LHX8: variants seen among roughly 807,000 people sequenced by gnomAD.
The protein encoded by LHX8 is LIM homeobox 8, also known as LIM/homeobox protein Lhx8.
In LHX8, 12 loss-of-function variants were observed where a neutral mutation model predicts 40.3. That is an observed-to-expected ratio of 0.30 (90% confidence interval 0.19 to 0.48). The LOEUF is 0.48. Among genes scored for constraint, LHX8 ranks in the 20% least tolerant of loss-of-function variants. LHX8 has a pLI of 0.99. For missense variants in LHX8, 344 were observed against 433.7 expected, an observed-to-expected ratio of 0.79 and a Z score of 1.84; for synonymous variants, 179 against 162.0, an observed-to-expected ratio of 1.10 and a Z score of -0.80.
At chr1:75,190,761 A>G in the LHX8 span, among the ~76,000 whole-genome samples, 1 of 152,214 alleles carries the variant, frequency 6.6e-6, no homozygotes, top group Non-Finnish European at 1.5e-5. Flanking sequence ...TTTTTCTTAG[A>G]GATAAACAAA....
In LHX8 at chr1:75,143,832, T is replaced by A; in HGVS notation, c.581-13T>A. On this transcript the variant is annotated splice_polypyrimidine_tract_variant and intron_variant, in intron 5 of 8. Coordinates refer to ENST00000356261, the MANE Select transcript of LHX8 (RefSeq NM_001256114.2). The stretch of plus-strand genomic sequence containing the variant: ...TGAATTACCAACATATATAGTGTGT[T>A]TTTTAAATGCAGGGAATGGGATTAG... The A allele has an allele frequency of 1.2e-6, 2 of 1,600,536 alleles. No individual in the cohort carries two copies. The highest frequency in any genetic ancestry group is 1.1e-5 in the South Asian group (1 of 90,818).
chr1:75,197,247 T>C, the LHX8 span, among the ~76,000 whole-genome samples: 1 of 152,200 alleles, frequency 6.6e-6, no homozygotes, highest in Non-Finnish European at 1.5e-5. Context: ...CTTTTTTATA[T>C]GAACTGGGAA....
At chr1:75,194,123 T>C in the LHX8 span, among the ~76,000 whole-genome samples, 6 of 152,200 alleles carry the variant, frequency 3.9e-5, no homozygotes, top group African/African-American at 9.7e-5. Flanking sequence ...AAAAACAGTT[T>C]AGACAGCTTC....
the LHX8 span, among the ~76,000 whole-genome samples, chr1:75,191,145 C>T: frequency 6.6e-6 from 1 of 151,910 alleles, no homozygotes; most frequent in African/African-American, 2.4e-5. Flanking sequence ...CCTCTGGACT[C>T]CTTTCCAAAA....
At chr1:75,160,530 C>A in intron 8 of LHX8, 1 of 406,738 alleles carries the variant, frequency 2.5e-6, no homozygotes, top group Admixed American at 3.9e-5. Context: ...AAGAGGAACC[C>A]ATGTCTTTCT....
intron 4 of LHX8, among the ~76,000 whole-genome samples, chr1:75,141,448 AT>A (rs138125271): frequency 2.5e-3 from 387 of 152,198 alleles, no homozygotes; most frequent in African/African-American, 9.0e-3. Context: ...TTTGGTGGGA[AT>A]GGTTAGATGA....
chr1:75,145,086 G>A (rs148961840), intron 6 of LHX8, among the ~76,000 whole-genome samples: 2 of 152,108 alleles, frequency 1.3e-5, no homozygotes, highest in Non-Finnish European at 2.9e-5. Flanking sequence ...CTTAATTTAG[G>A]CATAAATTCG....
At chr1:75,197,902 T>A in the LHX8 span, among the ~76,000 whole-genome samples, 1 of 152,204 alleles carries the variant, frequency 6.6e-6, no homozygotes. Context: ...TGGCCTTAAT[T>A]TTGAAGCCTA....
chr1:75,167,112 G>T, the LHX8 span, among the ~76,000 whole-genome samples: 1 of 152,138 alleles, frequency 6.6e-6, no homozygotes, highest in East Asian at 1.9e-4. Flanking sequence ...ATGGACATCT[G>T]CAGGAATGGC....
chr1:75,164,727 T>C (rs1309648948), downstream of LHX8, among the ~76,000 whole-genome samples: 2 of 128,546 alleles, frequency 1.6e-5, no homozygotes, highest in Non-Finnish European at 3.2e-5. Flanking sequence ...ACCAGTATCC[T>C]TTTTTTTTTT....
intron 1 of LHX8, among the ~76,000 whole-genome samples, 192 bp from the exon 2 acceptor site, chr1:75,136,411 C>T (rs1648130515): frequency 6.6e-6 from 1 of 151,706 alleles, no homozygotes. Flanking sequence ...TGGCGGCCGC[C>T]AGCGGCCAGC....
At chr1:75,136,181 CTCTTT>C (rs1490521991) in intron 1 of LHX8, among the ~76,000 whole-genome samples, 5 of 152,190 alleles carry the variant, frequency 3.3e-5, no homozygotes, top group African/African-American at 1.2e-4. Flanking sequence ...CTCCTCAATC[CTCTTT>C]TCTTCTCTCG....
intron 6 of LHX8, among the ~76,000 whole-genome samples, chr1:75,147,226 A>C (rs1231406889): frequency 6.6e-6 from 1 of 152,178 alleles, no homozygotes; most frequent in Non-Finnish European, 1.5e-5. Flanking sequence ...AGCCAAGAAT[A>C]CTTAATTCTA....
intron 6 of LHX8, 144 bp from the exon 7 acceptor site, chr1:75,148,443 T>C: frequency 1.5e-6 from 1 of 686,292 alleles, no homozygotes; most frequent in Non-Finnish European, 2.7e-6. Context: ...CGTTTTCACT[T>C]ACCCATATTT....
chr1:75,137,505 C>T (rs980345546), intron 3 of LHX8, among the ~76,000 whole-genome samples: 3 of 152,122 alleles, frequency 2.0e-5, no homozygotes, highest in African/African-American at 7.2e-5. Flanking sequence ...CTGGACGCGC[C>T]GGATGTGTGT....
chr1:75,146,028 C>A (rs1648451271), intron 6 of LHX8, among the ~76,000 whole-genome samples: 1 of 152,186 alleles, frequency 6.6e-6, no homozygotes, highest in East Asian at 1.9e-4. Flanking sequence ...GAGATACAAT[C>A]TTTGTCCTAA....
upstream of LHX8, chr1:75,131,675 G>C (rs1647964343): frequency 6.6e-6 from 1 of 152,194 alleles, no homozygotes. Context: ...TCTCCAGCCC[G>C]GACCTCCAAT....
Position 75,148,626 on chromosome 1 carries a change from G to T in LHX8, c.724G>T (p.Ala242Ser). The change falls in exon 7 of 9, where the codon GCA becomes TCA. Residue 242 changes from alanine to serine, a missense_variant. By Grantham distance (99) the Ala-to-Ser change is moderately conservative. Around this residue, in one of 3 missense-constraint regions of LHX8, gnomAD observed 147 missense variants for 250.8 expected, o/e 0.59. Coordinates refer to ENST00000356261, the MANE Select transcript of LHX8 (RefSeq NM_001256114.2). The part of the protein sequence containing the change: ...AQFAQDNNPD[A>S]QTLQKLAERT... ...ATTTGCTCAGGACAACAACCCAGAT[G>T]CACAGACACTCCAGAAATTGGCAGA... 1 of 1,613,800 alleles carries T rather than the reference G, an allele frequency of 6.2e-7. No individual in the cohort carries two copies. Among genetic ancestry groups the T allele is most frequent in the Non-Finnish European group, 8.5e-7 (1 of 1,179,900 alleles).
chr1:75,161,988 AT>A (rs1285274727), downstream of LHX8, among the ~76,000 whole-genome samples: 1 of 152,164 alleles, frequency 6.6e-6, no homozygotes, highest in Non-Finnish European at 1.5e-5. Context: ...AATTTAAAGA[AT>A]TTAGTACTCA....
Sources: gnomAD v4.1 joint callset for allele counts (sites outside exome capture counted in the v4.1 genomes callset) on GRCh38, gnomAD v4.1.1 for gene constraint, gnomAD v4.1.1 regional missense constraint, MANE v1.5 for transcripts, NCBI Gene and HGNC (gene_info 2026-07-23, HGNC 2026-07-21) for gene names.